Variants in CTNND1 observed in about 807,000 individuals in gnomAD.
CTNND1 encodes the protein catenin delta 1.
A neutral mutation model predicts 112.1 loss-of-function variants in CTNND1; 16 were observed. That is an observed-to-expected ratio of 0.14 (90% confidence interval 0.10 to 0.22). The LOEUF is 0.22. Among genes scored for constraint, CTNND1 ranks in the 10% least tolerant of loss-of-function variants. The probability of loss-of-function intolerance (pLI) is 1.00; values close to 1 mark genes in which losing one functional copy is unlikely to be tolerated. For missense variants in CTNND1, 1,008 were observed against 1,257.0 expected, an observed-to-expected ratio of 0.80 and a Z score of 3.00; for synonymous variants, 420 against 446.5, an observed-to-expected ratio of 0.94 and a Z score of 0.75.
chr11:57,816,048 C>T (rs976404260), intron 20 of CTNND1, 47 bp downstream of exon 20: 1 of 1,474,036 alleles, frequency 6.8e-7, no homozygotes, highest in Non-Finnish European at 9.2e-7. Context: ...GAAGGAGGCT[C>T]CTGAGTGCCA....
Position 57,805,714 on chromosome 11 carries a change from A to C in CTNND1, c.1723-168A>C, listed in dbSNP as rs545174059. 1.7e-4 allele frequency among the ~76,000 whole-genome samples: 26 copies of C among 152,278 alleles called. No homozygotes were observed. In the South Asian group the frequency reaches 2.5e-3, roughly 15 times the overall value. ...TTGGACCTTCCATTAGCCTGAGGCTACCGGGATTTCAAGAAGCCTGGAGCA... is the reference window on the plus strand; with the variant it reads ...TTGGACCTTCCATTAGCCTGAGGCTCCCGGGATTTCAAGAAGCCTGGAGCA... On this transcript the variant is annotated intron_variant, in intron 9 of 20. Coordinates refer to ENST00000399050, the MANE Select transcript of CTNND1 (RefSeq NM_001085458.2).
chr11:57,764,520 C>G (rs1950621026), intron 1 of CTNND1, among the ~76,000 whole-genome samples: 1 of 152,044 alleles, frequency 6.6e-6, no homozygotes, highest in African/African-American at 2.4e-5. Context: ...AATTTATCTC[C>G]TTCTATTTTG....
rs1224197237 is a variant in CTNND1 at position 57,819,221 on chromosome 11, TG to T, written c.*2914del. 3.9e-5 allele frequency: 6 copies of T among 152,246 alleles called. No individual in the cohort carries two copies. Among genetic ancestry groups the T allele is most frequent in the African/African-American group, 1.4e-4 (6 of 41,470 alleles). The allele number at this position is 152,246 out of a possible 1,614,324, so 9.4% of individuals were successfully genotyped here. On this transcript the variant is annotated 3_prime_UTR_variant, in exon 21 of 21. Coordinates refer to ENST00000399050, the MANE Select transcript of CTNND1 (RefSeq NM_001085458.2). Reference sequence around the variant, plus strand: ...GTTTTATTGAACTAGGACTTGGGTATGAAAACTTTCATGGGCTAGTGAGACC... The same window carrying T: ...GTTTTATTGAACTAGGACTTGGGTATAAAACTTTCATGGGCTAGTGAGACC...
intron 12 of CTNND1, 26 bp from the exon 13 acceptor site, chr11:57,808,139 T>A: frequency 6.2e-7 from 1 of 1,600,456 alleles, no homozygotes; most frequent in Non-Finnish European, 8.5e-7. Flanking sequence ...ATTAGCACCC[T>A]CTGCTTCTAT....
At position 57,815,444 on chromosome 11, in the gene CTNND1, G is replaced by T. The variant is rs374639119; in HGVS notation, c.2752G>T (p.Asp918Tyr). The part of the protein sequence containing the change: ...NERGDHNRTL[D>Y]RSGDLGDMEP... Reference sequence around the variant, plus strand: ...GAGAGGAGACCACAATAGAACACTGGATCGATCGGGGGATCTAGGCGACAT... The same window carrying T: ...GAGAGGAGACCACAATAGAACACTGTATCGATCGGGGGATCTAGGCGACAT... Residue 918 changes from aspartate (D) to tyrosine (Y), a missense_variant, in exon 19 of 21, where the codon GAT becomes TAT. This residue lies in a region of CTNND1 where 106 missense variants were observed against 116.2 expected (regional missense o/e 0.91). Transcript: ENST00000399050. 6.2e-7 allele frequency: 1 copy of T among 1,612,390 alleles called. No homozygotes were observed. Among genetic ancestry groups the T allele is most frequent in the Non-Finnish European group, 8.5e-7 (1 of 1,179,302 alleles).
Position 57,806,965 on chromosome 11 carries a change from A to G in CTNND1, c.1945A>G (p.Arg649Gly). ...AAACGATACAGTGGATTTCCCTAAAAGAACGAGTCCAGCTCGAGGTAAGTT... is the reference window on the plus strand; with the variant it reads ...AAACGATACAGTGGATTTCCCTAAAGGAACGAGTCCAGCTCGAGGTAAGTT... ...PANDTVDFPKRTSPARGYELL... is the reference protein window; with the variant it reads ...PANDTVDFPKGTSPARGYELL... The change falls in exon 12 of 21, where the codon AGA becomes GGA. Residue 649 changes from arginine to glycine, a missense_variant. By Grantham distance (125) the Arg-to-Gly change is moderately radical. Transcript: ENST00000399050. The G allele has an allele frequency of 1.9e-6, 3 of 1,600,684 alleles. No homozygotes were observed. The African/African-American group carries it at 4.0e-5, about 21-fold the overall frequency.
intron 1 of CTNND1, among the ~76,000 whole-genome samples, chr11:57,783,212 G>A (rs1484625777): frequency 6.6e-6 from 1 of 152,128 alleles, no homozygotes; most frequent in Non-Finnish European, 1.5e-5. Flanking sequence ...CTTGAACCTG[G>A]GAGGTGGAGG....
At position 57,778,548 on chromosome 11, in the gene CTNND1, A is replaced by T. The variant is rs11570180; in HGVS notation, c.-213-10489A>T. On this transcript the variant is annotated intron_variant, in intron 1 of 20. Coordinates refer to ENST00000399050, the MANE Select transcript of CTNND1 (RefSeq NM_001085458.2). ...ACACACAGTCTTTCTGCTGATTCTT[A>T]AAGGCCTGAGCTTTGTCCTACGTAG... is the stretch of plus-strand genomic sequence containing the variant. Among the ~76,000 whole-genome samples, 695 of 152,296 alleles carry T rather than the reference A, an allele frequency of 4.6e-3. 3 individuals are homozygous for T. The highest frequency in any genetic ancestry group is 5.9e-3 in the Admixed American group (90 of 15,290).
rs1240656834 is a variant in CTNND1, at chr11:57,810,127, A to G, written c.2454A>G (p.Glu818=). 1 of 1,610,138 alleles carries G rather than the reference A, an allele frequency of 6.2e-7. No individual in the cohort carries two copies. The highest frequency in any genetic ancestry group is 1.1e-5 in the South Asian group (1 of 90,164). The change falls in exon 16 of 21, where the codon GAA becomes GAG. Residue 818 remains glutamate, a synonymous_variant. Transcript: ENST00000399050. ...INKSGNRSEK[E]VRAAALVLQT... is the part of the protein sequence containing the mutation. ...TCCAAAGGAACCGCTCAGAAAAAGA[A>G]GTTCGAGCAGCAGCACTTGTATTAC...
At chr11:57,774,386 C>G (rs533257507) in intron 1 of CTNND1, among the ~76,000 whole-genome samples, 23 of 152,262 alleles carry the variant, frequency 1.5e-4, no homozygotes, top group African/African-American at 4.1e-4. Context: ...GAGGGATATC[C>G]TACAATGTAG....
intron 1 of CTNND1, among the ~76,000 whole-genome samples, chr11:57,783,307 C>CATCAA (rs2059779085): frequency 6.6e-6 from 1 of 150,938 alleles, no homozygotes; most frequent in Non-Finnish European, 1.5e-5. Context: ...CAAAAAAAAA[C>CATCAA]GTGGAACATC....
intron 1 of CTNND1, among the ~76,000 whole-genome samples, chr11:57,780,198 C>T (rs1425234983): frequency 6.6e-6 from 1 of 151,916 alleles, no homozygotes; most frequent in Non-Finnish European, 1.5e-5. Context: ...GAACTACAGG[C>T]ACATGCCACC....
intron 18 of CTNND1, among the ~76,000 whole-genome samples, chr11:57,814,926 T>C (rs909291973): frequency 2.0e-5 from 3 of 152,196 alleles, no homozygotes; most frequent in East Asian, 1.9e-4. Flanking sequence ...AGCTTTATTA[T>C]GTCATATTCT....
intron 4 of CTNND1, among the ~76,000 whole-genome samples, chr11:57,795,189 A>G (rs1345714981): frequency 1.3e-5 from 2 of 152,188 alleles, no homozygotes; most frequent in African/African-American, 4.8e-5. Flanking sequence ...GTGAGACCCT[A>G]TCTCAAGTAA....
intron 3 of CTNND1, among the ~76,000 whole-genome samples, chr11:57,792,491 T>TA (rs1478609005): frequency 2.6e-5 from 4 of 152,260 alleles, no homozygotes; most frequent in African/African-American, 9.6e-5. Flanking sequence ...GATTGCATCT[T>TA]ACGAGAGATC....
chr11:57,782,401 G>T lies in CTNND1; in HGVS notation c.-213-6636G>T, dbSNP rs554953969. Among the ~76,000 whole-genome samples, 130 of 152,276 alleles carry T rather than the reference G, an allele frequency of 8.5e-4. 2 individuals are homozygous for T. The highest frequency in any genetic ancestry group is 2.9e-3 in the African/African-American group (120 of 41,532). On this transcript the variant is annotated intron_variant, in intron 1 of 20. Coordinates refer to ENST00000399050, the MANE Select transcript of CTNND1 (RefSeq NM_001085458.2). ...ATCCTTAACTAAATTAAATTTAACA[G>T]TGTTTAATTGAACAAAGAACAGTTC...
In CTNND1 at chr11:57,816,439, C is replaced by T; in HGVS notation, c.*131C>T. 2 of 1,132,710 alleles carry T rather than the reference C, an allele frequency of 1.8e-6. No individual in the cohort carries two copies. Among genetic ancestry groups the T allele is most frequent in the Non-Finnish European group, 2.6e-6 (2 of 765,234 alleles). The allele number at this position is 1,132,710 out of a possible 1,614,324, so 70.2% of individuals were successfully genotyped here. A position where few individuals can be genotyped will look rare whatever the true frequency, so the allele number is the denominator to read the frequency against. The stretch of plus-strand genomic sequence containing the variant: ...CAGGCTGCCTCCTGCCCTTACAGCC[C>T]TAAGTGGCTGCCTTCTTTCCATCAA... On this transcript the variant is annotated 3_prime_UTR_variant, in exon 21 of 21. Coordinates refer to ENST00000399050, the MANE Select transcript of CTNND1 (RefSeq NM_001085458.2).
chr11:57,779,009 G>T (rs963056547), intron 1 of CTNND1, among the ~76,000 whole-genome samples: 1 of 152,130 alleles, frequency 6.6e-6, no homozygotes, highest in African/African-American at 2.4e-5. Flanking sequence ...CTTAGCACTG[G>T]GAAGCTTACT....
At chr11:57,813,107 G>A (rs1356710366) in intron 17 of CTNND1, among the ~76,000 whole-genome samples, 2 of 152,118 alleles carry the variant, frequency 1.3e-5, no homozygotes, top group Non-Finnish European at 2.9e-5. Flanking sequence ...GAGGCAGGAG[G>A]ATCATTTGAG....
Sources: allele counts gnomAD v4.1 joint callset (sites outside exome capture counted in the v4.1 genomes callset), GRCh38; gene constraint gnomAD v4.1.1; regional missense constraint gnomAD v4.1.1; transcripts MANE v1.5; gene names NCBI Gene and HGNC (gene_info 2026-07-23, HGNC 2026-07-21).